NEGR1: variants seen among roughly 807,000 people sequenced by gnomAD.
NEGR1 encodes the protein neuronal growth regulator 1.
In NEGR1, 10 loss-of-function variants were observed where a neutral mutation model predicts 40.9. That is an observed-to-expected ratio of 0.24 (90% CI 0.15 to 0.42). NEGR1 has a LOEUF of 0.42. Among genes scored for constraint, NEGR1 ranks in the 10% least tolerant of loss-of-function variants. The pLI is 1.00. For synonymous variants in NEGR1, 185 were observed against 166.8 expected (o/e 1.11, Z -0.84); for missense variants, 352 against 438.9 (o/e 0.80, Z 1.77).
intron 1 of NEGR1, among the ~76,000 whole-genome samples, chr1:71,945,749 T>G (rs1646012253): frequency 6.6e-6 from 1 of 152,182 alleles, no homozygotes; most frequent in Non-Finnish European, 1.5e-5. Flanking sequence ...GCAACTGTTT[T>G]GGGCAAGTAA....
At chr1:71,907,087 A>G (rs1661297144) in intron 2 of NEGR1, among the ~76,000 whole-genome samples, 1 of 152,158 alleles carries the variant, frequency 6.6e-6, no homozygotes, top group Admixed American at 6.6e-5. Context: ...ACTTGGTTTC[A>G]TTTGTAAAAA....
intron 1 of NEGR1, among the ~76,000 whole-genome samples, chr1:72,020,982 G>A (rs1229141726): frequency 6.6e-6 from 1 of 152,132 alleles, no homozygotes. Context: ...TAATTGAGCT[G>A]TGTTACTGAT....
chr1:72,152,728 C>T (rs1261295695), intron 1 of NEGR1, among the ~76,000 whole-genome samples: 2 of 151,830 alleles, frequency 1.3e-5, no homozygotes, highest in Admixed American at 6.6e-5. Flanking sequence ...AACCCAGGTG[C>T]CCATCAATGG....
chr1:72,097,672 A>T (rs1648756466), intron 1 of NEGR1, among the ~76,000 whole-genome samples: 1 of 152,248 alleles, frequency 6.6e-6, no homozygotes, highest in Non-Finnish European at 1.5e-5. Context: ...ATAGAGTGGG[A>T]AGAATATTAC....
chr1:71,635,685 G>T (rs771275407), intron 4 of NEGR1, among the ~76,000 whole-genome samples: 2 of 152,106 alleles, frequency 1.3e-5, no homozygotes, highest in Non-Finnish European at 2.9e-5. Context: ...TTGAAAACAT[G>T]TGGAGTTTGA....
At chr1:72,133,815 T>C (rs2100319564) in intron 1 of NEGR1, among the ~76,000 whole-genome samples, 1 of 151,786 alleles carries the variant, frequency 6.6e-6, no homozygotes, top group African/African-American at 2.4e-5. Flanking sequence ...TATTATCCCA[T>C]TTAAATAAAA....
At chr1:71,716,550 G>T (rs1193951074) in intron 3 of NEGR1, among the ~76,000 whole-genome samples, 4 of 152,056 alleles carry the variant, frequency 2.6e-5, no homozygotes, top group African/African-American at 9.7e-5. Flanking sequence ...ATTGTTCAGT[G>T]TCTATGGTAT....
chr1:71,819,157 A>G (rs978822233), intron 2 of NEGR1, among the ~76,000 whole-genome samples: 2 of 152,120 alleles, frequency 1.3e-5, no homozygotes, highest in East Asian at 2.0e-4. Flanking sequence ...ACAGCTTATT[A>G]TCTTCTCATG....
chr1:71,611,705 G>GT (rs1334309572), intron 4 of NEGR1, among the ~76,000 whole-genome samples: 4 of 152,136 alleles, frequency 2.6e-5, no homozygotes, highest in Non-Finnish European at 5.9e-5. Flanking sequence ...AATATTCTGT[G>GT]TTTTTTCCTG....
At chr1:71,580,128 T>TA (rs1298286484) in intron 6 of NEGR1, among the ~76,000 whole-genome samples, 3 of 151,956 alleles carry the variant, frequency 2.0e-5, no homozygotes, top group Admixed American at 6.6e-5. Flanking sequence ...TATGCAGCCA[T>TA]AAAAAATGAT....
chr1:72,222,613 T>A (rs1003778980), intron 1 of NEGR1, among the ~76,000 whole-genome samples: 3 of 152,156 alleles, frequency 2.0e-5, no homozygotes, highest in Non-Finnish European at 4.4e-5. Flanking sequence ...GGTAGTGAGG[T>A]TCTCTATCCT....
intron 1 of NEGR1, among the ~76,000 whole-genome samples, chr1:72,176,723 T>C (rs1570083810): frequency 6.6e-6 from 1 of 151,570 alleles, no homozygotes; most frequent in African/African-American, 2.4e-5. Flanking sequence ...AAATGGAAGG[T>C]AGAGTGGTGA....
intron 6 of NEGR1, among the ~76,000 whole-genome samples, chr1:71,532,237 C>T (rs1647379662): frequency 6.6e-6 from 1 of 151,504 alleles, no homozygotes; most frequent in African/African-American, 2.4e-5. Context: ...GATTTCATGT[C>T]ACTCAGAAAT....
intron 2 of NEGR1, among the ~76,000 whole-genome samples, chr1:71,779,418 T>A (rs1224404670): frequency 6.6e-6 from 1 of 152,176 alleles, no homozygotes; most frequent in African/African-American, 2.4e-5. Flanking sequence ...CCTTTCCCAT[T>A]TTACAGGAGT....
chr1:71,933,190 A>G (rs546194909), intron 2 of NEGR1, among the ~76,000 whole-genome samples: 1 of 152,186 alleles, frequency 6.6e-6, no homozygotes, highest in African/African-American at 2.4e-5. Context: ...AAAGAGTACT[A>G]TAGTAAGACA....
intron 1 of NEGR1, among the ~76,000 whole-genome samples, chr1:72,074,681 AT>A (rs1647644065): frequency 6.6e-6 from 1 of 152,156 alleles, no homozygotes. Context: ...GCATAATTTT[AT>A]TAAAATTATT....
At chr1:71,911,531 G>T (rs2101873527) in intron 2 of NEGR1, among the ~76,000 whole-genome samples, 1 of 152,286 alleles carries the variant, frequency 6.6e-6, no homozygotes, top group East Asian at 1.9e-4. Flanking sequence ...TAATGGTAAG[G>T]CATGGATTCT....
chr1:72,150,885 C>T (rs1250119761), intron 1 of NEGR1, among the ~76,000 whole-genome samples: 1 of 151,986 alleles, frequency 6.6e-6, no homozygotes, highest in African/African-American at 2.4e-5. Flanking sequence ...ACAAAGCTTA[C>T]ATAATCACAA....
At chr1:71,483,596 CAT>C (rs754728196) in intron 6 of NEGR1, among the ~76,000 whole-genome samples, 4 of 151,720 alleles carry the variant, frequency 2.6e-5, no homozygotes, top group African/African-American at 4.8e-5. Context: ...ATATGTGGCT[CAT>C]AGGTTTTATC....
Sources: gnomAD v4.1 joint callset for allele counts (sites outside exome capture counted in the v4.1 genomes callset) on GRCh38, gnomAD v4.1.1 for gene constraint, MANE v1.5 for transcripts, NCBI Gene and HGNC (gene_info 2026-07-23, HGNC 2026-07-21) for gene names.